The following LYSMD4 variants were observed in gnomAD, a reference collection of about 807,000 sequenced individuals.
LYSMD4 encodes the protein lysM and putative peptidoglycan-binding domain-containing protein 4.
A neutral mutation model predicts 6.1 loss-of-function variants in LYSMD4; 9 were observed. The ratio of observed to expected loss-of-function variants is 1.47; its 90% CI spans 0.88 to 2.56. The LOEUF is 2.56. LYSMD4 is among the 30% of genes most tolerant of loss of function. The pLI is 0.00. For missense variants in LYSMD4, 384 were observed against 373.5 expected, an observed-to-expected ratio of 1.03 and a Z score of -0.23; for synonymous variants, 143 against 148.5, an observed-to-expected ratio of 0.96 and a Z score of 0.27.
In LYSMD4 at chr15:99,716,527, G is replaced by T. The variant is rs768872108; in HGVS notation, c.271C>A (p.Arg91Ser). The change falls in exon 1 of 1, where the codon CGC (arginine) becomes AGC (serine). Residue 91 changes from arginine (R) to serine (S), a missense_variant. By Grantham distance (110) the Arg-to-Ser change is moderately radical. Transcript: ENST00000378904. ...TCATGTTTGCCTGGGGACACAAGGCGCTGGCTTTGCCACCAGGCAGCCCCT... is the reference window on the plus strand; with the variant it reads ...TCATGTTTGCCTGGGGACACAAGGCTCTGGCTTTGCCACCAGGCAGCCCCT... 3 of 456,792 alleles carry T rather than the reference G, an allele frequency of 6.6e-6. No homozygotes were observed. The East Asian group carries it at 2.1e-4, about 32-fold the overall frequency. The allele number at this position is 456,792 out of a possible 1,614,324, so 28.3% of individuals were successfully genotyped here. A position where few individuals can be genotyped will look rare whatever the true frequency, so the allele number is the denominator to read the frequency against.
rs560579691 is a variant in LYSMD4, at chr15:99,728,410, C to T, written c.*713G>A. ...GAGCCACGCTGTGGGACGGCTCCTG[C>T]GGAACTGGGCGCAGCCTGTGTGTGC... On this transcript the variant is annotated 3_prime_UTR_variant, in exon 3 of 3. Coordinates refer to ENST00000684762, the MANE Select transcript of LYSMD4 (RefSeq NM_001284417.2). 9.2e-5 allele frequency: 14 copies of T among 152,854 alleles called. No individual in the cohort carries two copies. The highest frequency in any genetic ancestry group is 2.2e-4 in the African/African-American group (9 of 41,588). The allele number at this position is 152,854 out of a possible 1,614,324, so 9.5% of individuals were successfully genotyped here. A position where few individuals can be genotyped will look rare whatever the true frequency, so the allele number is the denominator to read the frequency against.
upstream of LYSMD4, among the ~76,000 whole-genome samples, chr15:99,720,198 C>T (rs904844281): frequency 1.3e-5 from 2 of 152,144 alleles, no homozygotes; most frequent in Admixed American, 6.5e-5. Context: ...AAATATTTTC[C>T]GTACACCAAG....
downstream of LYSMD4, among the ~76,000 whole-genome samples, chr15:99,724,397 A>G (rs909996775): frequency 2.6e-5 from 4 of 152,202 alleles, no homozygotes; most frequent in African/African-American, 9.7e-5. Flanking sequence ...AGTAGCCGGG[A>G]CTACAGGCGC....
In LYSMD4 at chr15:99,731,788, A is replaced by ACGTC. The variant is rs1567557301; in HGVS notation, c.208_211dup (p.Val71GlyfsTer48). The ACGTC allele has an allele frequency of 1.9e-6, 3 of 1,611,916 alleles. No homozygotes were observed. The East Asian group carries it at 6.7e-5, about 36-fold the overall frequency. On this transcript the variant is annotated frameshift_variant, in exon 2 of 3. Coordinates refer to ENST00000684762, the MANE Select transcript of LYSMD4 (RefSeq NM_001284417.2). LOFTEE classifies it high-confidence loss of function. ...GGCCAGCTCCCGCTGCAGCAGCACCACGTCACCTGCTCCCGCCTGGGGAGG... is the reference window on the plus strand; with the variant it reads ...GGCCAGCTCCCGCTGCAGCAGCACCACGTCCGTCACCTGCTCCCGCCTGGGGAGG...
chr15:99,731,917 A>T lies in LYSMD4; in HGVS notation c.83T>A (p.Phe28Tyr), dbSNP rs1239734628. The stretch of plus-strand genomic sequence containing the variant: ...CCCCGAGTCCCCACTGCCATTCTTA[A>T]ACATGTATACGTGGCTGGTCGGAGT... ...CGTPTSHVYM[F>Y]KNGSGDSGDS... Residue 28 changes from phenylalanine to tyrosine, a missense_variant, in exon 2 of 3, where the codon TTT (phenylalanine) becomes TAT (tyrosine). Physicochemically the swap from Phe to Tyr is conservative, Grantham distance 22 (BLOSUM62 3). Coordinates refer to ENST00000684762, the MANE Select transcript of LYSMD4 (RefSeq NM_001284417.2). 1 of 1,613,420 alleles carries T rather than the reference A, an allele frequency of 6.2e-7. No individual in the cohort carries two copies.
chr15:99,719,714 T>G (rs2059223825), upstream of LYSMD4, among the ~76,000 whole-genome samples: 2 of 152,198 alleles, frequency 1.3e-5, no homozygotes, highest in South Asian at 4.1e-4. Context: ...AGATGTATCT[T>G]CAGGGTAGAT....
At chr15:99,718,900 TA>T (rs1412843058), upstream of LYSMD4, among the ~76,000 whole-genome samples, 1 of 130,128 alleles carries the variant, frequency 7.7e-6, no homozygotes, top group African/African-American at 2.9e-5. Flanking sequence ...GAAATACATG[TA>T]GTTATGCGCA....
chr15:99,719,118 G>A (rs2059218815), upstream of LYSMD4, among the ~76,000 whole-genome samples: 1 of 152,178 alleles, frequency 6.6e-6, no homozygotes, highest in Non-Finnish European at 1.5e-5. Context: ...CCATACCCGT[G>A]TAGGGAACAC....
intron 2 of LYSMD4, among the ~76,000 whole-genome samples, chr15:99,730,599 A>G (rs1398283515): frequency 1.3e-5 from 2 of 152,260 alleles, no homozygotes; most frequent in African/African-American, 4.8e-5. Context: ...TTATTCAGCA[A>G]CTGCTGTTAT....
intron 2 of LYSMD4, chr15:99,731,343 G>C (rs1205260786): frequency 6.2e-7 from 1 of 1,609,750 alleles, no homozygotes; most frequent in Admixed American, 1.7e-5. Flanking sequence ...AGAGCAGCGA[G>C]AAAAGCAAGC....
chr15:99,724,789 C>T (rs892798189), downstream of LYSMD4, among the ~76,000 whole-genome samples: 7 of 152,226 alleles, frequency 4.6e-5, no homozygotes, highest in Non-Finnish European at 1.0e-4. Flanking sequence ...TAAGGACTCC[C>T]TGCCTCCTCA....
At chr15:99,723,057 C>A (rs370943713), downstream of LYSMD4, among the ~76,000 whole-genome samples, 1 of 151,174 alleles carries the variant, frequency 6.6e-6, no homozygotes, top group African/African-American at 2.4e-5. Flanking sequence ...AAAAAAAGGA[C>A]GCACTGAATG....
At chr15:99,730,122 C>T (rs1021284241) in intron 2 of LYSMD4, among the ~76,000 whole-genome samples, 30 of 152,200 alleles carry the variant, frequency 2.0e-4, no homozygotes, top group African/African-American at 7.2e-4. Flanking sequence ...ATAGTGCCCC[C>T]ATCTGCCTGC....
chr15:99,729,837 C>G, intron 2 of LYSMD4, 106 bp from the exon 3 acceptor site: 2 of 1,340,684 alleles, frequency 1.5e-6, no homozygotes, highest in South Asian at 3.0e-5. Flanking sequence ...AAGCCCACTT[C>G]ACTGACGAAT....
chr15:99,732,412 T>C (rs993774497), intron 1 of LYSMD4, among the ~76,000 whole-genome samples: 11 of 152,156 alleles, frequency 7.2e-5, no homozygotes, highest in African/African-American at 2.7e-4. Flanking sequence ...GCACAATAAT[T>C]TTGTATTCAA....
downstream of LYSMD4, among the ~76,000 whole-genome samples, chr15:99,724,081 C>CA (rs974660904): frequency 2.0e-5 from 3 of 150,906 alleles, no homozygotes; most frequent in African/African-American, 5.0e-5. Context: ...TCACACTGGA[C>CA]AGTCCTCTTT....
chr15:99,727,211 C>G (rs556587342), downstream of LYSMD4, among the ~76,000 whole-genome samples: 1 of 152,238 alleles, frequency 6.6e-6, no homozygotes, highest in East Asian at 1.9e-4. Flanking sequence ...CCCATCTCTA[C>G]TAAAAATGCA....
chr15:99,721,385 AC>A, upstream of LYSMD4, among the ~76,000 whole-genome samples: 1 of 152,200 alleles, frequency 6.6e-6, no homozygotes, highest in Admixed American at 6.5e-5. Context: ...TGCCTGGATG[AC>A]TGGTACATGG....
At chr15:99,731,564 A>G in intron 2 of LYSMD4, 154 bp downstream of exon 2, 1 of 1,529,480 alleles carries the variant, frequency 6.5e-7, no homozygotes, top group Non-Finnish European at 8.7e-7. Context: ...CCTGCATTCC[A>G]ATTCTGGCTA....
Sources: allele counts gnomAD v4.1 joint callset (sites outside exome capture counted in the v4.1 genomes callset), GRCh38; gene constraint gnomAD v4.1.1; transcripts MANE v1.5; gene names NCBI Gene and HGNC (gene_info 2026-07-23, HGNC 2026-07-21).